SPIDR: variants seen among roughly 807,000 people sequenced by gnomAD.
SPIDR encodes the protein DNA repair-scaffolding protein.
A neutral mutation model predicts 104.6 loss-of-function variants in SPIDR; 93 were observed. The ratio of observed to expected loss-of-function variants is 0.89; its 90% CI spans 0.75 to 1.06. The LOEUF (loss-of-function observed/expected upper bound fraction) is 1.06. SPIDR is among the 50% of genes least tolerant of loss of function. SPIDR has a pLI of 0.00. For missense variants in SPIDR, 1,154 were observed against 1,111.2 expected (o/e 1.04, Z -0.55); for synonymous variants, 431 against 416.9 (o/e 1.03, Z -0.41).
intron 8 of SPIDR, among the ~76,000 whole-genome samples, chr8:47,594,046 T>TA (rs1400703972): frequency 6.7e-6 from 1 of 150,350 alleles, no homozygotes; most frequent in Admixed American, 6.6e-5. Context: ...ATGAGGGGAG[T>TA]ACTCGTTGCA....
At chr8:47,512,232 G>A (rs955986408) in intron 8 of SPIDR, 3 of 318,514 alleles carry the variant, frequency 9.4e-6, no homozygotes, top group African/African-American at 6.5e-5. Context: ...CTCCTGAGAG[G>A]GAGCTTAGCG....
At chr8:47,540,411 G>A (rs2087858172) in intron 8 of SPIDR, among the ~76,000 whole-genome samples, 1 of 151,928 alleles carries the variant, frequency 6.6e-6, no homozygotes, top group Admixed American at 6.6e-5. Flanking sequence ...GTTACTACAG[G>A]ATGATATTTT....
chr8:47,444,029 CA>C (rs1182561324), intron 8 of SPIDR, among the ~76,000 whole-genome samples: 5 of 151,848 alleles, frequency 3.3e-5, no homozygotes, highest in Non-Finnish European at 4.4e-5. Flanking sequence ...CACCAACTTA[CA>C]AAAAAATGCA....
At chr8:47,488,258 T>C (rs535032993) in intron 8 of SPIDR, among the ~76,000 whole-genome samples, 1 of 152,226 alleles carries the variant, frequency 6.6e-6, no homozygotes, top group Non-Finnish European at 1.5e-5. Flanking sequence ...CTAGAAGAAA[T>C]GGATAAATTC....
At chr8:47,733,546 A>G (rs754199231) in intron 19 of SPIDR, among the ~76,000 whole-genome samples, 1 of 152,106 alleles carries the variant, frequency 6.6e-6, no homozygotes, top group Non-Finnish European at 1.5e-5. Flanking sequence ...TTGCACAAAC[A>G]TGCAAGACTA....
chr8:47,690,451 A>G (rs1032185190), intron 11 of SPIDR, among the ~76,000 whole-genome samples: 1 of 149,140 alleles, frequency 6.7e-6, no homozygotes, highest in Non-Finnish European at 1.5e-5. Context: ...TTTATATATT[A>G]TTATATTATT....
intron 11 of SPIDR, among the ~76,000 whole-genome samples, chr8:47,683,224 A>T (rs2077315251): frequency 6.6e-6 from 1 of 152,380 alleles, no homozygotes; most frequent in South Asian, 2.1e-4. Context: ...TCAATTAGAT[A>T]AAAGTTCTGC....
At chr8:47,533,973 C>CCCA (rs2086478747) in intron 8 of SPIDR, among the ~76,000 whole-genome samples, 1 of 152,102 alleles carries the variant, frequency 6.6e-6, no homozygotes, top group Non-Finnish European at 1.5e-5. Context: ...TGTAATAATC[C>CCCA]CCACGTGTCA....
chr8:47,432,685 G>C (rs1476304034), intron 7 of SPIDR, among the ~76,000 whole-genome samples: 2 of 152,166 alleles, frequency 1.3e-5, no homozygotes, highest in African/African-American at 4.8e-5. Flanking sequence ...TGATGGAACT[G>C]TCTTAATGCA....
At chr8:47,334,558 C>T (rs2049344506) in intron 5 of SPIDR, among the ~76,000 whole-genome samples, 1 of 152,132 alleles carries the variant, frequency 6.6e-6, no homozygotes, top group Admixed American at 6.5e-5. Context: ...TGTATTCTGC[C>T]TGAAATTAAT....
chr8:47,344,157 C>T (rs1486708830), intron 5 of SPIDR, among the ~76,000 whole-genome samples: 2 of 147,950 alleles, frequency 1.4e-5, no homozygotes, highest in African/African-American at 5.0e-5. Flanking sequence ...TGTGATATTC[C>T]CCACGCTGTG....
In SPIDR at chr8:47,417,197, G is replaced by A. The variant is rs532651859; in HGVS notation, c.877+9236G>A. On this transcript the variant is annotated intron_variant, in intron 7 of 19. Transcript: ENST00000297423. ...TCTAGTTCTAGATCCCTGAGGAATC[G>A]CCACACTGACTTCCACAATGATTGA... Among the ~76,000 whole-genome samples, 605 of 152,292 alleles carry A rather than the reference G, an allele frequency of 4.0e-3. 6 individuals carry two copies. The highest frequency in any genetic ancestry group is 8.0e-3 in the Admixed American group (123 of 15,294).
intron 5 of SPIDR, among the ~76,000 whole-genome samples, chr8:47,320,770 C>T (rs1003261031): frequency 1.3e-5 from 2 of 152,156 alleles, no homozygotes; most frequent in African/African-American, 2.4e-5. Flanking sequence ...GGCTTCATCC[C>T]TGGGATGCAA....
chr8:47,581,763 GGAGAAGGAA>G (rs1386508337), intron 8 of SPIDR, among the ~76,000 whole-genome samples: 3 of 152,186 alleles, frequency 2.0e-5, no homozygotes, highest in African/African-American at 7.2e-5. Context: ...AAAAAAGGGA[GGAGAAGGAA>G]GGAAGAAAAA....
Position 47,396,493 on chromosome 8 carries a change from GA to G in SPIDR, c.644del (p.Asp215ValfsTer9), listed in dbSNP as rs1554658568. On this transcript the variant is annotated frameshift_variant, in exon 6 of 20. Transcript: ENST00000297423. LOFTEE classifies it high-confidence loss of function. ...PHKYHVQFAS[D>X]ARQIMERLID... ...CAAATACCACGTGCAGTTTGCATCG[GA>G]TGCAAGACAGATTATGGAGAGACTG... 6 of 1,614,012 alleles carry G rather than the reference GA, an allele frequency of 3.7e-6. No homozygotes were observed. Among genetic ancestry groups the G allele is most frequent in the Non-Finnish European group, 5.1e-6 (6 of 1,180,020 alleles).
intron 8 of SPIDR, among the ~76,000 whole-genome samples, chr8:47,447,277 A>G (rs1585858830): frequency 6.6e-6 from 1 of 152,172 alleles, no homozygotes; most frequent in South Asian, 2.1e-4. Context: ...GCAGTGGCAC[A>G]GTCTCGGCTC....
chr8:47,337,665 T>A (rs78117476), intron 5 of SPIDR, among the ~76,000 whole-genome samples: 1 of 151,254 alleles, frequency 6.6e-6, no homozygotes, highest in Non-Finnish European at 1.5e-5. Flanking sequence ...AAAAAAAAGG[T>A]CATGAAGATT....
intron 5 of SPIDR, among the ~76,000 whole-genome samples, chr8:47,358,244 G>T (rs184867907): frequency 2.0e-5 from 3 of 151,650 alleles, no homozygotes; most frequent in African/African-American, 7.3e-5. Flanking sequence ...GCACACCACC[G>T]TAGCTAATTT....
intron 5 of SPIDR, among the ~76,000 whole-genome samples, chr8:47,348,466 C>G (rs556907694): frequency 2.0e-5 from 3 of 152,226 alleles, no homozygotes; most frequent in Non-Finnish European, 4.4e-5. Context: ...GTGTCGTTCT[C>G]TGTATTTTCT....
Sources: allele counts gnomAD v4.1 joint callset (sites outside exome capture counted in the v4.1 genomes callset), GRCh38; gene constraint gnomAD v4.1.1; transcripts MANE v1.5; gene names NCBI Gene and HGNC (gene_info 2026-07-23, HGNC 2026-07-21).